Variants in QRICH1 observed in about 807,000 individuals in gnomAD.
QRICH1 encodes the protein transcriptional regulator QRICH1.
QRICH1 carries 16 observed loss-of-function variants against 87.1 expected under a neutral mutation model. The ratio of observed to expected loss-of-function variants is 0.18; its 90% confidence interval spans 0.12 to 0.28. The LOEUF is 0.28. Ranked by LOEUF, QRICH1 falls within the 10% of genes least tolerant of loss-of-function variation. The pLI is 1.00. For missense variants in QRICH1, 647 were observed against 951.7 expected, an observed-to-expected ratio of 0.68 and a Z score of 4.21; for synonymous variants, 367 against 368.4, an observed-to-expected ratio of 1.00 and a Z score of 0.05.
chr3:49,072,280 C>T (rs1025682772), intron 2 of QRICH1, among the ~76,000 whole-genome samples: 1 of 152,102 alleles, frequency 6.6e-6, no homozygotes, highest in Admixed American at 6.6e-5. Flanking sequence ...GAGGCTCTGT[C>T]TCAAAAAGTA....
At chr3:49,085,299 G>A (rs981145321) in intron 1 of QRICH1, among the ~76,000 whole-genome samples, 16 of 144,984 alleles carry the variant, frequency 1.1e-4, no homozygotes, top group African/African-American at 4.1e-4. Flanking sequence ...CAGCATTTTG[G>A]GAGGCCGAGG....
At chr3:49,084,988 A>AGTGGTTAT (rs1553748774) in intron 1 of QRICH1, among the ~76,000 whole-genome samples, 1 of 149,208 alleles carries the variant, frequency 6.7e-6, no homozygotes, top group Non-Finnish European at 1.5e-5. Flanking sequence ...TAAAAATACA[A>AGTGGTTAT]AAAAATTAGC....
chr3:49,071,581 A>C (rs1359951941), intron 2 of QRICH1, among the ~76,000 whole-genome samples: 3 of 152,168 alleles, frequency 2.0e-5, no homozygotes, highest in Admixed American at 1.3e-4. Flanking sequence ...AACATGGTGA[A>C]TGAAACCCCA....
chr3:49,050,601 G>C (rs1361463251), intron 3 of QRICH1, among the ~76,000 whole-genome samples: 1 of 151,824 alleles, frequency 6.6e-6, no homozygotes, highest in East Asian at 1.9e-4. Flanking sequence ...TACAGTCCAG[G>C]GCAAAGAGCT....
chr3:49,031,021 CTT>C (rs1286431598), intron 9 of QRICH1, among the ~76,000 whole-genome samples: 1 of 139,214 alleles, frequency 7.2e-6, no homozygotes, highest in East Asian at 2.1e-4. Context: ...GAGATGGCGT[CTT>C]GTCTCCAGGC....
chr3:49,076,228 A>G (rs2106979267), intron 2 of QRICH1, among the ~76,000 whole-genome samples: 1 of 152,324 alleles, frequency 6.6e-6, no homozygotes, highest in East Asian at 1.9e-4. Flanking sequence ...ACCCAAGTAC[A>G]ATGACATGGC....
At chr3:49,068,617 T>C (rs896644182) in intron 2 of QRICH1, among the ~76,000 whole-genome samples, 4 of 151,284 alleles carry the variant, frequency 2.6e-5, no homozygotes, top group African/African-American at 7.3e-5. Flanking sequence ...AGAGCCAAGC[T>C]TGGCTAAAAT....
rs1341952724 is a variant in QRICH1, at chr3:49,031,482, T to TA, written c.2138+700dup. Among the ~76,000 whole-genome samples the TA allele has an allele frequency of 6.6e-5, 10 of 151,986 alleles. No individual in the cohort carries two copies. In the South Asian group the frequency reaches 1.0e-3, roughly 16 times the overall value. ...CAGGTCAGCACTAGGTGCTGATATT[T>TA]AAAAAAATGGGCAGGAAAAGTATTT... is the stretch of plus-strand genomic sequence containing the variant. On this transcript the variant is annotated intron_variant, in intron 9 of 9. Transcript: ENST00000395443.
intron 3 of QRICH1, among the ~76,000 whole-genome samples, chr3:49,048,327 T>C (rs2093350381): frequency 6.6e-6 from 1 of 151,414 alleles, no homozygotes; most frequent in Non-Finnish European, 1.5e-5. Context: ...AGATGGGGTT[T>C]CTCCATGTTG....
At chr3:49,060,690 G>A (rs774457676) in intron 2 of QRICH1, among the ~76,000 whole-genome samples, 9 of 152,198 alleles carry the variant, frequency 5.9e-5, no homozygotes, top group Admixed American at 1.3e-4. Flanking sequence ...GTACTGGTCC[G>A]TAGGCGAACG....
At chr3:49,081,108 T>C (rs2107005695) in intron 1 of QRICH1, among the ~76,000 whole-genome samples, 1 of 152,182 alleles carries the variant, frequency 6.6e-6, no homozygotes, top group Admixed American at 6.5e-5. Context: ...AAGCCTCTAC[T>C]TGCAGACTCA....
chr3:49,085,899 A>G (rs1006043834), intron 1 of QRICH1, among the ~76,000 whole-genome samples: 3 of 152,132 alleles, frequency 2.0e-5, no homozygotes, highest in Admixed American at 6.6e-5. Flanking sequence ...AAACTTCTAA[A>G]AGAGACAAAA....
chr3:49,076,139 A>G (rs1234055931), intron 2 of QRICH1, among the ~76,000 whole-genome samples: 1 of 152,300 alleles, frequency 6.6e-6, no homozygotes, highest in Admixed American at 6.5e-5. Flanking sequence ...GCTACTCAGG[A>G]GGCTGGGGCA....
intron 3 of QRICH1, among the ~76,000 whole-genome samples, chr3:49,049,845 T>C (rs916559187): frequency 6.6e-6 from 1 of 152,026 alleles, no homozygotes; most frequent in East Asian, 1.9e-4. Flanking sequence ...AATTCCAAGA[T>C]TTTCCATTTT....
chr3:49,056,083 C>T (rs200216274), intron 3 of QRICH1, among the ~76,000 whole-genome samples: 1 of 152,210 alleles, frequency 6.6e-6, no homozygotes, highest in East Asian at 1.9e-4. Context: ...TCAAGTGATT[C>T]TCCTGCCTCA....
chr3:49,034,962 T>C (rs2093265892), intron 6 of QRICH1, among the ~76,000 whole-genome samples: 1 of 152,220 alleles, frequency 6.6e-6, no homozygotes, highest in Non-Finnish European at 1.5e-5. Context: ...ACTCCTCTTC[T>C]GTGTTCTATG....
At chr3:49,064,616 A>G (rs1483812048) in intron 2 of QRICH1, among the ~76,000 whole-genome samples, 1 of 152,142 alleles carries the variant, frequency 6.6e-6, no homozygotes, top group African/African-American at 2.4e-5. Flanking sequence ...CTGTAATCCC[A>G]GCACTTTGGG....
chr3:49,081,987 T>C (rs1166727754), intron 1 of QRICH1, among the ~76,000 whole-genome samples: 1 of 152,148 alleles, frequency 6.6e-6, no homozygotes, highest in East Asian at 1.9e-4. Flanking sequence ...TTTGTATTTT[T>C]AGTAGAGACA....
intron 6 of QRICH1, among the ~76,000 whole-genome samples, chr3:49,041,285 C>T (rs2093308224): frequency 6.6e-6 from 1 of 151,580 alleles, no homozygotes; most frequent in African/African-American, 2.4e-5. Flanking sequence ...TTTTCATATA[C>T]TCATGTGCCA....
Sources: allele counts gnomAD v4.1 joint callset (sites outside exome capture counted in the v4.1 genomes callset), GRCh38; gene constraint gnomAD v4.1.1; transcripts MANE v1.5; gene names NCBI Gene and HGNC (gene_info 2026-07-23, HGNC 2026-07-21).